The following STK11 variants were observed in gnomAD, a reference collection of about 807,000 sequenced individuals.
STK11 encodes serine/threonine-protein kinase STK11.
Under a neutral mutation model 47.3 loss-of-function variants are expected in STK11, and 8 were observed. The ratio of observed to expected loss-of-function variants is 0.17; its 90% confidence interval spans 0.10 to 0.31. The LOEUF is 0.31. Ranked by LOEUF, STK11 falls within the 10% of genes least tolerant of loss-of-function variation. STK11 has a pLI of 1.00. For synonymous variants in STK11, 330 were observed against 255.8 expected, an observed-to-expected ratio of 1.29 and a Z score of -2.77; for missense variants, 475 against 605.0, an observed-to-expected ratio of 0.79 and a Z score of 2.25.
At chr19:1,223,249 C>T in intron 8 of STK11, 77 bp downstream of exon 8, 1 of 1,503,348 alleles carries the variant, frequency 6.7e-7, no homozygotes. Flanking sequence ...GCCTGCCTGT[C>T]TGCAACAAGG....
chr19:1,210,033 C>G (rs1027464801), intron 1 of STK11, among the ~76,000 whole-genome samples: 1 of 152,166 alleles, frequency 6.6e-6, no homozygotes, highest in Non-Finnish European at 1.5e-5. Context: ...GCGGGGCCCC[C>G]TGGGATGAGG....
chr19:1,224,029 C>T (rs2080804351), intron 8 of STK11: 2 of 1,005,188 alleles, frequency 2.0e-6, no homozygotes, highest in Non-Finnish European at 1.2e-6. Context: ...GGGTCCACCC[C>T]CGGGCCCGAG....
rs2080825091 is a variant in STK11 at position 1,226,672 on chromosome 19, CGGCGGGGCCCGGGTGGGGCA to C, written c.*16+10_*16+29del. On this transcript the variant is annotated intron_variant, in intron 9 of 9. Coordinates refer to ENST00000326873, the MANE Select transcript of STK11 (RefSeq NM_000455.5). ...AGGCTGGCCGCCTGCAGGTGGGGCG[CGGCGGGGCCCGGGTGGGGCA>C]TGTGGGGACAACGCCTGGATGCCAC... 6.7e-7 allele frequency: 1 copy of C among 1,485,874 alleles called. No homozygotes were observed. Among genetic ancestry groups the C allele is most frequent in the Non-Finnish European group, 8.9e-7 (1 of 1,122,814 alleles). The allele number at this position is 1,485,874 out of a possible 1,614,324, so 92.0% of individuals were successfully genotyped here.
rs2080781890 is a variant in STK11, at chr19:1,221,253, A to G, written c.775A>G (p.Asn259Asp). The G allele has an allele frequency of 6.2e-7, 1 of 1,612,534 alleles. No homozygotes were observed. The highest frequency in any genetic ancestry group is 8.5e-7 in the Non-Finnish European group (1 of 1,179,624). ...TTGLYPFEGDNIYKLFENIGK... is the reference protein window; with the variant it reads ...TTGLYPFEGDDIYKLFENIGK... Reference sequence around the variant, plus strand: ...GGGTCTGTACCCCTTCGAAGGGGACAACATCTACAAGTTGTTTGAGAACAT... The same window carrying G: ...GGGTCTGTACCCCTTCGAAGGGGACGACATCTACAAGTTGTTTGAGAACAT... Residue 259 changes from asparagine (N) to aspartate (D), a missense_variant, in exon 6 of 10, where the codon AAC becomes GAC. Physicochemically the swap from Asn to Asp is conservative, Grantham distance 23. This residue lies in a region of STK11 where 130 missense variants were observed against 239.7 expected (regional missense o/e 0.54). Coordinates refer to ENST00000326873, the MANE Select transcript of STK11 (RefSeq NM_000455.5).
In STK11 at chr19:1,222,021, G is replaced by A. The variant is rs750454374; in HGVS notation, c.920+15G>A. The stretch of plus-strand genomic sequence containing the variant: ...CGGCAGCACAGGTGAGCGGCCCCTG[G>A]GGGCAGTGGGGCCGAGGCTGCAGGG... On this transcript the variant is annotated intron_variant, in intron 7 of 9. Coordinates refer to ENST00000326873, the MANE Select transcript of STK11 (RefSeq NM_000455.5). The A allele has an allele frequency of 6.4e-7, 1 of 1,562,368 alleles. No homozygotes were observed. The highest frequency in any genetic ancestry group is 8.7e-7 in the Non-Finnish European group (1 of 1,154,026).
At chr19:1,210,999 A>T (rs1417827875) in intron 1 of STK11, among the ~76,000 whole-genome samples, 5 of 152,246 alleles carry the variant, frequency 3.3e-5, no homozygotes, top group Non-Finnish European at 5.9e-5. Flanking sequence ...TCTCTCTACT[A>T]AAAATAGAAA....
rs1599929155 is a variant in STK11, at chr19:1,222,899, T to C, written c.921-86T>C. 8 of 1,421,438 alleles carry C rather than the reference T, an allele frequency of 5.6e-6. No homozygotes were observed. The South Asian group carries it at 1.1e-4, about 20-fold the overall frequency. The allele number at this position is 1,421,438 out of a possible 1,614,324, so 88.1% of individuals were successfully genotyped here. ...TCCCAGCTCCTGAGTGTGTGGCAGG[T>C]ACCCTGGGCCCAGAGGAGCTGGGTC... On this transcript the variant is annotated intron_variant, in intron 7 of 9. Coordinates refer to ENST00000326873, the MANE Select transcript of STK11 (RefSeq NM_000455.5).
intron 3 of STK11, 90 bp from the exon 4 acceptor site, chr19:1,220,283 G>A: frequency 1.3e-6 from 2 of 1,492,696 alleles, no homozygotes; most frequent in Middle Eastern, 1.8e-4. Flanking sequence ...TGGGCCTGTG[G>A]TGTTTGGGAG....
rs1470827728 is a variant in STK11 at position 1,222,968 on chromosome 19, C to A, written c.921-17C>A. 3 of 1,535,200 alleles carry A rather than the reference C, an allele frequency of 2.0e-6. No homozygotes were observed. In the South Asian group the frequency reaches 3.6e-5, roughly 19 times the overall value. ...GGTGCCAGCCTGACAGGCGCCACTG[C>A]TTCTGGGCGTTTGCAGCTGGTTCCG... On this transcript the variant is annotated splice_polypyrimidine_tract_variant and intron_variant, in intron 7 of 9. Transcript: ENST00000326873.
At position 1,221,313 on chromosome 19, in the gene STK11, G is replaced by A. The variant is rs587782584; in HGVS notation, c.835G>A (p.Gly279Ser). The A allele has an allele frequency of 2.5e-6, 4 of 1,610,048 alleles. No homozygotes were observed. The highest frequency in any genetic ancestry group is 3.4e-6 in the Non-Finnish European group (4 of 1,178,562). The change falls in exon 6 of 10, where the codon GGC becomes AGC. Residue 279 changes from glycine (G) to serine (S), a missense_variant. This residue lies in a region of STK11 where 130 missense variants were observed against 239.7 expected (regional missense o/e 0.54). Transcript: ENST00000326873. ...GAGCTACGCCATCCCGGGCGACTGT[G>A]GCCCCCCGCTCTCTGACCTGCTGAA... Reference protein sequence around the residue: ...KGSYAIPGDCGPPLSDLLKGM... With the variant: ...KGSYAIPGDCSPPLSDLLKGM...
At chr19:1,227,429 C>G (rs2145438172) in intron 9 of STK11, 164 bp from the exon 10 acceptor site, 1 of 673,516 alleles carries the variant, frequency 1.5e-6, no homozygotes, top group East Asian at 5.9e-5. Context: ...CACAATGTAC[C>G]CCGGGAGTGA....
Position 1,205,831 on chromosome 19 carries a change from G to T in STK11, c.-1083G>T. The T allele has an allele frequency of 4.8e-6, 1 of 207,778 alleles. No homozygotes were observed. Among genetic ancestry groups the T allele is most frequent in the South Asian group, 1.8e-4 (1 of 5,702 alleles). The allele number at this position is 207,778 out of a possible 1,614,324, so 12.9% of individuals were successfully genotyped here. A position where few individuals can be genotyped will look rare whatever the true frequency, so the allele number is the denominator to read the frequency against. On this transcript the variant is annotated 5_prime_UTR_variant, in exon 1 of 10. Transcript: ENST00000326873. Reference sequence around the variant, plus strand: ...GGGCGCGGAAGGGGGAGGCGGCCCGGGGCGCCCGCGAGTGAGGCGCGGGGC... The same window carrying T: ...GGGCGCGGAAGGGGGAGGCGGCCCGTGGCGCCCGCGAGTGAGGCGCGGGGC...
In STK11 at chr19:1,206,719, C is replaced by T; in HGVS notation, c.-195C>T. ...GCAGACCCTGCACCGGGCTTGGACT[C>T]GCAGCCGGGACTGACGTGTAGAACA... On this transcript the variant is annotated 5_prime_UTR_variant, in exon 1 of 10. Coordinates refer to ENST00000326873, the MANE Select transcript of STK11 (RefSeq NM_000455.5). 3.8e-6 allele frequency: 3 copies of T among 782,070 alleles called. No individual in the cohort carries two copies. Among genetic ancestry groups the T allele is most frequent in the South Asian group, 2.0e-5 (1 of 49,118 alleles). 48.4% of individuals were successfully genotyped at this position (782,070 alleles called of 1,614,324 possible).
At chr19:1,214,466 G>A (rs1345811112) in intron 1 of STK11, among the ~76,000 whole-genome samples, 1 of 152,200 alleles carries the variant, frequency 6.6e-6, no homozygotes, top group Non-Finnish European at 1.5e-5. Flanking sequence ...GTGGAGGCAG[G>A]GCAGGGCGCC....
At chr19:1,211,929 A>G (rs980568228) in intron 1 of STK11, among the ~76,000 whole-genome samples, 7 of 152,230 alleles carry the variant, frequency 4.6e-5, no homozygotes, top group East Asian at 1.9e-4. Context: ...GGGTTCCAGC[A>G]TCTGCTGAGG....
chr19:1,220,024 C>T (rs1001168708), intron 3 of STK11: 2 of 280,438 alleles, frequency 7.1e-6, no homozygotes, highest in Admixed American at 9.5e-5. Flanking sequence ...GGATGCAGGT[C>T]TGTGGCCTCA....
intron 8 of STK11, chr19:1,224,760 T>C: frequency 2.0e-6 from 2 of 985,396 alleles, no homozygotes; most frequent in Non-Finnish European, 2.4e-6. Context: ...CTGTGGGTGG[T>C]GAGGAGGAGT....
chr19:1,226,604 CCAG>C lies in STK11; in HGVS notation c.1265_1267del (p.Ser422del), dbSNP rs587782439. On this transcript the variant is annotated inframe_deletion, in exon 9 of 10. Transcript: ENST00000326873. ...AACCCTGCCCGCAAGGCCTGCTCCG[CCAG>C]CAGCAAGATCCGCCGGCTGTCGGCC... 2.0e-5 allele frequency: 32 copies of C among 1,562,792 alleles called. No homozygotes were observed. Among genetic ancestry groups the C allele is most frequent in the Non-Finnish European group, 2.7e-5 (31 of 1,155,716 alleles).
At position 1,206,484 on chromosome 19, in the gene STK11, C is replaced by T. The variant is rs115594813; in HGVS notation, c.-430C>T. 1,488 of 249,094 alleles carry T rather than the reference C, an allele frequency of 6.0e-3. 23 individuals carry two copies. Among genetic ancestry groups the T allele is most frequent in the African/African-American group, 0.03 (1,355 of 45,760 alleles). The allele number at this position is 249,094 out of a possible 1,614,324, so 15.4% of individuals were successfully genotyped here. On this transcript the variant is annotated 5_prime_UTR_variant, in exon 1 of 10. Coordinates refer to ENST00000326873, the MANE Select transcript of STK11 (RefSeq NM_000455.5). ...GACCCGGCCTGTGGGATGGGCGGCC[C>T]GGAGAAGACTGCGCTCGGCCGTGTT...
Sources: gnomAD v4.1 joint callset for allele counts (sites outside exome capture counted in the v4.1 genomes callset) on GRCh38, gnomAD v4.1.1 for gene constraint, gnomAD v4.1.1 regional missense constraint, MANE v1.5 for transcripts, NCBI Gene and HGNC (gene_info 2026-07-23, HGNC 2026-07-21) for gene names.